CALD1: variants seen among roughly 807,000 people sequenced by gnomAD.
The protein encoded by CALD1 is caldesmon 1, also known as caldesmon.
A neutral mutation model predicts 99.9 loss-of-function variants in CALD1; 33 were observed. The ratio of observed to expected loss-of-function variants is 0.33; its 90% confidence interval spans 0.25 to 0.44. CALD1 has a LOEUF of 0.44. Ranked by LOEUF, CALD1 falls within the 20% of genes least tolerant of loss-of-function variation. CALD1 has a pLI of 1.00. For synonymous variants in CALD1, 310 were observed against 325.0 expected, an observed-to-expected ratio of 0.95 and a Z score of 0.50; for missense variants, 861 against 962.1, an observed-to-expected ratio of 0.89 and a Z score of 1.39.
chr7:134,791,979 C>T (rs1585945380), intron 1 of CALD1, among the ~76,000 whole-genome samples: 1 of 152,336 alleles, frequency 6.6e-6, no homozygotes, highest in Non-Finnish European at 1.5e-5. Flanking sequence ...AGTATGGGGG[C>T]AACTGCCGCC....
chr7:134,766,376 C>T (rs1433980091), intron 1 of CALD1, among the ~76,000 whole-genome samples: 1 of 151,816 alleles, frequency 6.6e-6, no homozygotes, highest in Non-Finnish European at 1.5e-5. Flanking sequence ...GAACTCCTGA[C>T]CTCGGGTGAT....
chr7:134,933,089 G>A lies in CALD1; in HGVS notation c.320G>A (p.Arg107His), dbSNP rs1267886086. 2.7e-5 allele frequency: 43 copies of A among 1,613,814 alleles called. No individual in the cohort carries two copies. The highest frequency in any genetic ancestry group is 3.3e-5 in the Non-Finnish European group (39 of 1,179,962). Residue 107 changes from arginine (R) to histidine (H), a missense_variant, in exon 5 of 15, where the codon CGC becomes CAC. Physicochemically the swap from Arg to His is conservative, Grantham distance 29. Coordinates refer to ENST00000361675, the MANE Select transcript of CALD1 (RefSeq NM_033138.4). ...LERLARREERRQKRLQEALER... is the reference protein window; with the variant it reads ...LERLARREERHQKRLQEALER... ...CGCCTGGCTCGGCGTGAGGAAAGAC[G>A]CCAAAAACGCCTTCAGGAGGCTCTG...
At chr7:134,796,571 T>C (rs1797751937) in intron 1 of CALD1, among the ~76,000 whole-genome samples, 1 of 151,876 alleles carries the variant, frequency 6.6e-6, no homozygotes, top group Non-Finnish European at 1.5e-5. Flanking sequence ...AGCCTTTCCT[T>C]CTTTCATTTT....
At chr7:134,835,409 G>A (rs368801526) in intron 1 of CALD1, among the ~76,000 whole-genome samples, 1 of 152,148 alleles carries the variant, frequency 6.6e-6, no homozygotes, top group African/African-American at 2.4e-5. Flanking sequence ...TCCACTTAGG[G>A]TGTTATTTTG....
intron 3 of CALD1, among the ~76,000 whole-genome samples, chr7:134,874,716 A>G (rs1801267204): frequency 6.6e-6 from 1 of 152,116 alleles, no homozygotes; most frequent in South Asian, 2.1e-4. Flanking sequence ...AATAAAGGGA[A>G]TGAAAACACT....
intron 3 of CALD1, among the ~76,000 whole-genome samples, chr7:134,873,676 C>T (rs1351199677): frequency 6.6e-6 from 1 of 152,162 alleles, no homozygotes; most frequent in Non-Finnish European, 1.5e-5. Flanking sequence ...TGAGCTTTAG[C>T]ACTGGGCAGC....
At chr7:134,825,449 T>G (rs1798950748) in intron 1 of CALD1, among the ~76,000 whole-genome samples, 1 of 152,196 alleles carries the variant, frequency 6.6e-6, no homozygotes, top group South Asian at 2.1e-4. Context: ...TTAAGGTCTT[T>G]AAATTGCTAT....
At chr7:134,867,450 C>T (rs1451041904) in intron 2 of CALD1, among the ~76,000 whole-genome samples, 4 of 152,074 alleles carry the variant, frequency 2.6e-5, no homozygotes, top group African/African-American at 7.2e-5. Context: ...TCTCTGTCTC[C>T]GGAGGTCTTT....
chr7:134,871,812 C>A (rs1367959914), intron 3 of CALD1, among the ~76,000 whole-genome samples: 1 of 152,184 alleles, frequency 6.6e-6, no homozygotes, highest in Non-Finnish European at 1.5e-5. Context: ...TAATTTAAAA[C>A]TTGTACTTTT....
At chr7:134,732,413 C>T in the CALD1 span, among the ~76,000 whole-genome samples, 8 of 152,178 alleles carry the variant, frequency 5.3e-5, no homozygotes, top group African/African-American at 1.4e-4. Context: ...CTTTTGGGGG[C>T]GATTAAGCCA....
chr7:134,946,632 G>A (rs912096853), intron 7 of CALD1, among the ~76,000 whole-genome samples: 1 of 150,420 alleles, frequency 6.6e-6, no homozygotes, highest in Non-Finnish European at 1.5e-5. Context: ...GTATCTTCAA[G>A]GTTTATCCAT....
At chr7:134,873,230 A>C (rs542438678) in intron 3 of CALD1, among the ~76,000 whole-genome samples, 1 of 151,922 alleles carries the variant, frequency 6.6e-6, no homozygotes, top group African/African-American at 2.4e-5. Flanking sequence ...AACAAAAAAA[A>C]ACACTATATT....
At chr7:134,754,031 G>A (rs1207187212) in intron 1 of CALD1, among the ~76,000 whole-genome samples, 1 of 152,150 alleles carries the variant, frequency 6.6e-6, no homozygotes, top group African/African-American at 2.4e-5. Context: ...AGGCAGCCCT[G>A]ACCATATTTG....
At chr7:134,850,824 C>G (rs1799357346) in intron 2 of CALD1, among the ~76,000 whole-genome samples, 1 of 152,126 alleles carries the variant, frequency 6.6e-6, no homozygotes, top group Non-Finnish European at 1.5e-5. Flanking sequence ...TGGGAGGGAC[C>G]AGGTGGGAAG....
the CALD1 span, among the ~76,000 whole-genome samples, chr7:134,723,151 A>G: frequency 1.3e-5 from 2 of 152,192 alleles, no homozygotes; most frequent in Non-Finnish European, 2.9e-5. Context: ...AAATTACTCA[A>G]TCTTTTTGAG....
intron 1 of CALD1, among the ~76,000 whole-genome samples, chr7:134,824,814 A>C (rs1463042589): frequency 6.6e-6 from 1 of 152,194 alleles, no homozygotes; most frequent in Non-Finnish European, 1.5e-5. Context: ...AGAAGGGTTA[A>C]AAGAATATTT....
the CALD1 span, among the ~76,000 whole-genome samples, chr7:134,733,534 C>T: frequency 2.0e-5 from 3 of 152,142 alleles, no homozygotes; most frequent in Admixed American, 1.3e-4. Flanking sequence ...CTAGGCCGGG[C>T]GCGGTGGCTC....
chr7:134,800,197 T>C (rs569858923), intron 1 of CALD1, among the ~76,000 whole-genome samples: 9 of 152,198 alleles, frequency 5.9e-5, no homozygotes, highest in Non-Finnish European at 1.3e-4. Context: ...GTTTTGATTT[T>C]TTAAAGCTGA....
intron 1 of CALD1, among the ~76,000 whole-genome samples, chr7:134,802,146 TAA>T (rs973950713): frequency 1.3e-5 from 2 of 150,922 alleles, no homozygotes; most frequent in African/African-American, 4.9e-5. Context: ...ATATAAGGTA[TAA>T]GTTTGCCATA....
Sources: allele counts gnomAD v4.1 joint callset (sites outside exome capture counted in the v4.1 genomes callset), GRCh38; gene constraint gnomAD v4.1.1; transcripts MANE v1.5; gene names NCBI Gene and HGNC (gene_info 2026-07-23, HGNC 2026-07-21).